SLC44A5: variants seen among roughly 807,000 people sequenced by gnomAD.
The protein encoded by SLC44A5 is solute carrier family 44 member 5.
A neutral mutation model predicts 101.8 loss-of-function variants in SLC44A5; 57 were observed. That is an observed-to-expected ratio of 0.56 (90% CI 0.45 to 0.70). The LOEUF (loss-of-function observed/expected upper bound fraction) is 0.70. Ranked by LOEUF, SLC44A5 falls within the 30% of genes least tolerant of loss-of-function variation. The pLI is 0.00. For missense variants in SLC44A5, 737 were observed against 853.1 expected (o/e 0.86, Z 1.70); for synonymous variants, 281 against 290.9 (o/e 0.97, Z 0.35).
intron 2 of SLC44A5, among the ~76,000 whole-genome samples, chr1:75,463,351 C>T (rs1264631476): frequency 3.9e-5 from 5 of 128,366 alleles, no homozygotes; most frequent in Non-Finnish European, 6.3e-5. Context: ...ACCTGGGAGG[C>T]GGAGCTTGCA....
the SLC44A5 span, among the ~76,000 whole-genome samples, chr1:75,708,721 A>G: frequency 1.3e-5 from 2 of 152,172 alleles, no homozygotes; most frequent in Non-Finnish European, 2.9e-5. Flanking sequence ...AAAATTATAC[A>G]TATAATAAAA....
intron 4 of SLC44A5, among the ~76,000 whole-genome samples, chr1:75,323,155 T>C (rs990014091): frequency 6.9e-6 from 1 of 145,904 alleles, no homozygotes; most frequent in Non-Finnish European, 1.5e-5. Context: ...TGTGTTCTCA[T>C]TGTTCAATTC....
intron 4 of SLC44A5, among the ~76,000 whole-genome samples, chr1:75,328,009 C>T (rs1036137627): frequency 2.6e-5 from 4 of 152,154 alleles, no homozygotes; most frequent in African/African-American, 9.6e-5. Flanking sequence ...TCCCTAGGGT[C>T]CTAGTTCACC....
intron 3 of SLC44A5, among the ~76,000 whole-genome samples, chr1:75,350,219 TGG>T (rs1262265095): frequency 1.3e-5 from 2 of 151,788 alleles, no homozygotes; most frequent in African/African-American, 4.8e-5. Flanking sequence ...AGGAGACCAG[TGG>T]TCTCCCTTTG....
the SLC44A5 span, among the ~76,000 whole-genome samples, chr1:75,711,445 A>T: frequency 1.3e-5 from 2 of 152,338 alleles, no homozygotes; most frequent in African/African-American, 4.8e-5. Flanking sequence ...TCAAACTTTT[A>T]AAAAATAGTT....
the SLC44A5 span, among the ~76,000 whole-genome samples, chr1:75,691,982 G>C: frequency 4.1e-4 from 63 of 152,180 alleles, no homozygotes; most frequent in African/African-American, 1.5e-3. Flanking sequence ...TACATAGCAT[G>C]CTTCATTGTC....
the SLC44A5 span, among the ~76,000 whole-genome samples, chr1:75,659,661 C>T: frequency 6.8e-6 from 1 of 147,690 alleles, no homozygotes; most frequent in African/African-American, 2.5e-5. Context: ...TTAACTGAGC[C>T]TGGTAGCACG....
At chr1:75,641,718 C>A in the SLC44A5 span, 1 of 1,564,718 alleles carries the variant, frequency 6.4e-7, no homozygotes, top group South Asian at 1.1e-5. Flanking sequence ...ATATTCAAGT[C>A]ATTGATTACA....
intron 1 of SLC44A5, among the ~76,000 whole-genome samples, chr1:75,600,588 G>A (rs911388117): frequency 6.6e-6 from 1 of 152,052 alleles, no homozygotes; most frequent in Non-Finnish European, 1.5e-5. Flanking sequence ...GCAAAACAAA[G>A]TACAGTCATG....
rs1209351824 is a variant in SLC44A5, at chr1:75,306,974, G to A, written c.102-6289C>T. On this transcript the variant is annotated intron_variant, in intron 4 of 23. Coordinates refer to ENST00000370859, the MANE Select transcript of SLC44A5 (RefSeq NM_001130058.2). ...AGGATGGTCTCGATCTCCTGACCTC[G>A]TGATCCACCCGCCTCGGCCTCCCAA... is the stretch of plus-strand genomic sequence containing the variant. Among the ~76,000 whole-genome samples the A allele has an allele frequency of 4.6e-5, 7 of 151,522 alleles. No homozygotes were observed. In the East Asian group the frequency reaches 1.4e-3, roughly 29 times the overall value.
chr1:75,254,678 A>G (rs1204482300), intron 6 of SLC44A5, among the ~76,000 whole-genome samples: 1 of 152,160 alleles, frequency 6.6e-6, no homozygotes, highest in African/African-American at 2.4e-5. Context: ...AGTGTGCTGA[A>G]CAATGAATGC....
chr1:75,684,116 T>G, the SLC44A5 span, among the ~76,000 whole-genome samples: 1 of 152,080 alleles, frequency 6.6e-6, no homozygotes, highest in Non-Finnish European at 1.5e-5. Context: ...GAGAGAAGCG[T>G]AGGGGAACAC....
At chr1:75,635,986 G>T in the SLC44A5 span, among the ~76,000 whole-genome samples, 1 of 151,882 alleles carries the variant, frequency 6.6e-6, no homozygotes, top group African/African-American at 2.4e-5. Flanking sequence ...TAATTGTAAC[G>T]TCAAGGCTTC....
chr1:75,567,391 A>G (rs1672844416), intron 1 of SLC44A5, among the ~76,000 whole-genome samples: 1 of 152,230 alleles, frequency 6.6e-6, no homozygotes, highest in East Asian at 1.9e-4. Context: ...TATGCAAATT[A>G]TATTACTATA....
At chr1:75,608,699 A>T (rs1013683175) in intron 1 of SLC44A5, among the ~76,000 whole-genome samples, 1 of 151,824 alleles carries the variant, frequency 6.6e-6, no homozygotes, top group Non-Finnish European at 1.5e-5. Context: ...TTAGTCAAAC[A>T]TACCAGGTAT....
the SLC44A5 span, among the ~76,000 whole-genome samples, chr1:75,702,950 C>A: frequency 6.6e-6 from 1 of 151,928 alleles, no homozygotes; most frequent in African/African-American, 2.4e-5. Flanking sequence ...CAAATCAAAA[C>A]CACAATGAGA....
chr1:75,476,439 AG>A (rs1437313667), intron 2 of SLC44A5, among the ~76,000 whole-genome samples: 3 of 152,182 alleles, frequency 2.0e-5, no homozygotes, highest in Non-Finnish European at 4.4e-5. Context: ...GAGCCGAAGC[AG>A]GGCGAGGCAT....
intron 2 of SLC44A5, among the ~76,000 whole-genome samples, chr1:75,527,195 G>A (rs1670458975): frequency 6.6e-6 from 1 of 151,088 alleles, no homozygotes; most frequent in Admixed American, 6.6e-5. Flanking sequence ...AAAAGAGAAG[G>A]AAGGAAGGGA....
intron 4 of SLC44A5, among the ~76,000 whole-genome samples, chr1:75,330,170 T>G (rs577491200): frequency 8.1e-6 from 1 of 123,132 alleles, no homozygotes; most frequent in South Asian, 2.6e-4. Context: ...TATATATACG[T>G]ATATATGCAT....
Sources: allele counts gnomAD v4.1 joint callset (sites outside exome capture counted in the v4.1 genomes callset), GRCh38; gene constraint gnomAD v4.1.1; transcripts MANE v1.5; gene names NCBI Gene and HGNC (gene_info 2026-07-23, HGNC 2026-07-21).